The following GRB10 variants were observed in gnomAD, a reference collection of about 807,000 sequenced individuals.
The protein encoded by GRB10 is growth factor receptor-bound protein 10.
In GRB10, 20 loss-of-function variants were observed where a neutral mutation model predicts 80.9. The observed-to-expected ratio is 0.25, with a 90% confidence interval of 0.17 to 0.36. The LOEUF is 0.36. Ranked by LOEUF, GRB10 falls within the 10% of genes least tolerant of loss-of-function variation. GRB10 has a pLI of 1.00. For synonymous variants in GRB10, 291 were observed against 291.5 expected, an observed-to-expected ratio of 1.00 and a Z score of 0.02; for missense variants, 548 against 747.7, an observed-to-expected ratio of 0.73 and a Z score of 3.12.
intron 4 of GRB10, among the ~76,000 whole-genome samples, chr7:50,728,258 C>T (rs2068993847): frequency 6.6e-6 from 1 of 151,726 alleles, no homozygotes; most frequent in African/African-American, 2.4e-5. Flanking sequence ...TACAGAATCA[C>T]TCTTTCACTA....
At chr7:50,634,842 A>C (rs193254577) in intron 7 of GRB10, among the ~76,000 whole-genome samples, 14 of 152,362 alleles carry the variant, frequency 9.2e-5, no homozygotes, top group Admixed American at 9.1e-4. Flanking sequence ...AGAGGACATA[A>C]ATTTTGGAAA....
chr7:50,667,858 G>C (rs1173592233), intron 7 of GRB10, among the ~76,000 whole-genome samples: 2 of 152,104 alleles, frequency 1.3e-5, no homozygotes, highest in Non-Finnish European at 2.9e-5. Flanking sequence ...TCCTTGTTCT[G>C]CTTACAAATT....
chr7:50,600,670 A>G (rs1184107786), intron 17 of GRB10, among the ~76,000 whole-genome samples: 1 of 152,212 alleles, frequency 6.6e-6, no homozygotes, highest in East Asian at 1.9e-4. Flanking sequence ...GGGAAAAACA[A>G]AAGTGTCTGC....
rs2045768522 is a variant in GRB10 at position 50,590,851 on chromosome 7, T to C, written c.*2101A>G. 6.6e-6 allele frequency: 1 copy of C among 152,246 alleles called. No individual in the cohort carries two copies. The highest frequency in any genetic ancestry group is 2.4e-5 in the African/African-American group (1 of 41,456). 9.4% of individuals were successfully genotyped at this position (152,246 alleles called of 1,614,324 possible). On this transcript the variant is annotated 3_prime_UTR_variant, in exon 19 of 19. Transcript: ENST00000401949. ...AACCAGCTACATACAAAACTGTGAA[T>C]CAGAGTCAAGCTTTTGTTCTCCTTT... is the stretch of plus-strand genomic sequence containing the variant.
In GRB10 at chr7:50,660,839, C is replaced by T. The variant is rs140855151; in HGVS notation, c.504+8883G>A. Among the ~76,000 whole-genome samples the T allele has an allele frequency of 1.1e-4, 13 of 123,206 alleles. 1 individual carries two copies. In the East Asian group the frequency reaches 2.8e-3, roughly 26 times the overall value. The allele number at this position is 123,206 out of a possible 152,430, so 80.8% of individuals were successfully genotyped here. A position where few individuals can be genotyped will look rare whatever the true frequency, so the allele number is the denominator to read the frequency against. ...TGATGGCGCAGCATCTTATCCATCC[C>T]GCCAGGGCCAAGGCCCTGGGGGCTG... On this transcript the variant is annotated intron_variant, in intron 7 of 18. Transcript: ENST00000401949.
chr7:50,703,838 C>A lies in GRB10; in HGVS notation c.122G>T (p.Arg41Leu), dbSNP rs202022963. The A allele has an allele frequency of 1.2e-6, 2 of 1,612,840 alleles. No homozygotes were observed. Among genetic ancestry groups the A allele is most frequent in the East Asian group, 4.5e-5 (2 of 44,836 alleles). Residue 41 changes from arginine to leucine, a missense_variant, in exon 5 of 19, where the codon CGA becomes CTA. Arg to Leu is a moderately radical substitution (Grantham distance 102). Around this residue, in one of 4 missense-constraint regions of GRB10, gnomAD observed 245 missense variants for 229.3 expected, o/e 1.07. Coordinates refer to ENST00000401949, the MANE Select transcript of GRB10 (RefSeq NM_001350814.2). ...AGPGLPAQSDRLANHQEDDVD... is the reference protein window; with the variant it reads ...AGPGLPAQSDLLANHQEDDVD... The stretch of plus-strand genomic sequence containing the variant: ...TTCCTTACCCTGGTGATTCGCAAGT[C>A]GGTCAGACTGTGCGGGGAGTCCTGG...
chr7:50,776,447 C>T (rs912918895), intron 2 of GRB10, among the ~76,000 whole-genome samples: 3 of 151,978 alleles, frequency 2.0e-5, no homozygotes, highest in African/African-American at 7.3e-5. Flanking sequence ...TCTTGAACTC[C>T]TGAGCTTAAG....
intron 7 of GRB10, among the ~76,000 whole-genome samples, chr7:50,643,041 G>A (rs116210786): frequency 6.6e-6 from 1 of 151,932 alleles, no homozygotes; most frequent in Non-Finnish European, 1.5e-5. Context: ...TTTGACCCTT[G>A]GACAACACAG....
chr7:50,737,055 T>C (rs1354566505), intron 3 of GRB10, among the ~76,000 whole-genome samples: 1 of 152,156 alleles, frequency 6.6e-6, no homozygotes, highest in Non-Finnish European at 1.5e-5. Context: ...AAATTCAAAA[T>C]GTTTGTGCAT....
intron 3 of GRB10, among the ~76,000 whole-genome samples, chr7:50,733,342 T>A (rs1045892657): frequency 6.6e-6 from 1 of 152,010 alleles, no homozygotes; most frequent in African/African-American, 2.4e-5. Context: ...CCTCGCCCCC[T>A]CCCCAGTCTG....
Position 50,652,562 on chromosome 7 carries a change from C to T in GRB10, c.504+17160G>A, listed in dbSNP as rs1018877851. 4.6e-5 allele frequency among the ~76,000 whole-genome samples: 7 copies of T among 152,114 alleles called. No individual in the cohort carries two copies. The East Asian group carries it at 5.8e-4, about 13-fold the overall frequency. The stretch of plus-strand genomic sequence containing the variant: ...GCCTTTGAGGGAGATGGCCATACAG[C>T]GTCACCAGAGAAAGAGACAAGCCAC... On this transcript the variant is annotated intron_variant, in intron 7 of 18. Transcript: ENST00000401949.
chr7:50,604,242 G>T (rs564000133), intron 16 of GRB10, 69 bp downstream of exon 16: 1 of 1,378,100 alleles, frequency 7.3e-7, no homozygotes, highest in Non-Finnish European at 1.0e-6. Context: ...TAAGGCTGAG[G>T]GGGAGTGGAG....
intron 3 of GRB10, 113 bp from the exon 4 acceptor site, chr7:50,732,481 G>C (rs1157131272): frequency 8.6e-6 from 6 of 698,350 alleles, no homozygotes; most frequent in Admixed American, 4.6e-5. Context: ...GTCTTAGCTT[G>C]TAGGTTCAGT....
At chr7:50,595,581 A>T in intron 17 of GRB10, 51 bp from the exon 18 acceptor site, 1 of 848,356 alleles carries the variant, frequency 1.2e-6, no homozygotes, top group South Asian at 1.3e-5. Flanking sequence ...ATCTGGAACT[A>T]ATCACACACA....
intron 9 of GRB10, 122 bp from the exon 10 acceptor site, chr7:50,618,261 A>G (rs190951291): frequency 1.9e-4 from 142 of 749,410 alleles, no homozygotes; most frequent in Non-Finnish European, 3.2e-4. Context: ...ACCTGTATTT[A>G]AAATGGCGGT....
At chr7:50,740,164 TC>T (rs923166298) in intron 3 of GRB10, among the ~76,000 whole-genome samples, 2 of 152,156 alleles carry the variant, frequency 1.3e-5, no homozygotes, top group Admixed American at 1.3e-4. Context: ...TTCTCCTCTC[TC>T]CCCCAGAACA....
At chr7:50,709,176 C>T (rs2065483216) in intron 4 of GRB10, among the ~76,000 whole-genome samples, 1 of 152,234 alleles carries the variant, frequency 6.6e-6, no homozygotes, top group Admixed American at 6.5e-5. Flanking sequence ...AGGGCAGAAA[C>T]ACCACCTTCA....
rs577856034 is a variant in GRB10 at position 50,773,910 on chromosome 7, T to G, written c.-217+6717A>C. 2.6e-5 allele frequency among the ~76,000 whole-genome samples: 4 copies of G among 152,320 alleles called. No individual in the cohort carries two copies. In the South Asian group the frequency reaches 8.3e-4, roughly 32 times the overall value. On this transcript the variant is annotated intron_variant, in intron 2 of 18. Coordinates refer to ENST00000401949, the MANE Select transcript of GRB10 (RefSeq NM_001350814.2). ...TCTCGCTCTATCACCCAGGCTGGAG[T>G]GCAGTGGCGTGATCTCAGCTCACTG...
chr7:50,786,714 GT>G (rs1236981089), upstream of GRB10, among the ~76,000 whole-genome samples: 6 of 152,330 alleles, frequency 3.9e-5, no homozygotes, highest in South Asian at 4.1e-4. Flanking sequence ...TTGACATCTT[GT>G]GCACCACTTT....
Sources: allele counts gnomAD v4.1 joint callset (sites outside exome capture counted in the v4.1 genomes callset), GRCh38; gene constraint gnomAD v4.1.1; regional missense constraint gnomAD v4.1.1; transcripts MANE v1.5; gene names NCBI Gene and HGNC (gene_info 2026-07-23, HGNC 2026-07-21).